Variants in DCLK1 observed in about 807,000 individuals in gnomAD.
The protein encoded by DCLK1 is doublecortin like kinase 1.
In DCLK1, 16 loss-of-function variants were observed where a neutral mutation model predicts 86.2. The observed-to-expected ratio is 0.19, with a 90% confidence interval of 0.13 to 0.28. The LOEUF (loss-of-function observed/expected upper bound fraction) is 0.28. Ranked by LOEUF, DCLK1 falls within the 10% of genes least tolerant of loss-of-function variation. The probability of loss-of-function intolerance (pLI) is 1.00; values close to 1 mark genes in which losing one functional copy is unlikely to be tolerated. For missense variants in DCLK1, 590 were observed against 940.2 expected (o/e 0.63, Z 4.87); for synonymous variants, 369 against 370.5 (o/e 1.00, Z 0.05).
At chr13:35,958,221 A>G in intron 3 of DCLK1, among the ~76,000 whole-genome samples, 2 of 147,256 alleles carry the variant, frequency 1.4e-5, no homozygotes, top group South Asian at 2.1e-4. Context: ...CATCACCACC[A>G]CCACTATAAC....
intron 8 of DCLK1, among the ~76,000 whole-genome samples, chr13:35,835,180 GA>G (rs1869265925): frequency 6.6e-6 from 1 of 152,178 alleles, no homozygotes; most frequent in Non-Finnish European, 1.5e-5. Context: ...GGAGGATTAA[GA>G]ATGGGCAGGG....
rs116204603 is a variant in DCLK1, at chr13:35,821,289, C to T, written c.1554+1440G>A. Among the ~76,000 whole-genome samples, 1,029 of 152,252 alleles carry T rather than the reference C, an allele frequency of 6.8e-3. 11 individuals are homozygous for T. The highest frequency in any genetic ancestry group is 0.023 in the African/African-American group (960 of 41,576). The stretch of plus-strand genomic sequence containing the variant: ...GTACATAGATGGTTCTCCATCATGG[C>T]GGATCTTACTAGCTTTTATTTGTGT... On this transcript the variant is annotated intron_variant, in intron 11 of 16. Transcript: ENST00000360631.
chr13:35,887,353 T>C (rs1415687638), intron 4 of DCLK1, among the ~76,000 whole-genome samples: 1 of 152,182 alleles, frequency 6.6e-6, no homozygotes, highest in Non-Finnish European at 1.5e-5. Context: ...CCAGTGGGTC[T>C]TTAAGTACAA....
intron 4 of DCLK1, among the ~76,000 whole-genome samples, chr13:35,905,795 A>C (rs1644973813): frequency 6.6e-6 from 1 of 151,930 alleles, no homozygotes; most frequent in African/African-American, 2.4e-5. Context: ...AAAATCCAAA[A>C]AAAGTAGCCA....
rs200202368 is a variant in DCLK1 at position 35,984,778 on chromosome 13, C to CT, written c.724-37322dup. Reference sequence around the variant, plus strand: ...CTGATCCAGGTATCACCTCTCTTCACTACCCCCCAGGCTTCTGTACCAGCG... The same window carrying CT: ...CTGATCCAGGTATCACCTCTCTTCACTTACCCCCCAGGCTTCTGTACCAGCG... On this transcript the variant is annotated intron_variant, in intron 3 of 16. Coordinates refer to ENST00000360631, the MANE Select transcript of DCLK1 (RefSeq NM_001330071.2). 7.3e-3 allele frequency among the ~76,000 whole-genome samples: 1,106 copies of CT among 152,282 alleles called. 9 individuals carry two copies. Among genetic ancestry groups the CT allele is most frequent in the African/African-American group, 0.025 (1,057 of 41,554 alleles).
At chr13:35,918,970 C>T (rs138073364) in intron 4 of DCLK1, among the ~76,000 whole-genome samples, 138 of 134,510 alleles carry the variant, frequency 1.0e-3, no homozygotes, top group Middle Eastern at 5.1e-3. Context: ...GTGCAATCTC[C>T]CAGCTCACTG....
intron 4 of DCLK1, among the ~76,000 whole-genome samples, chr13:35,900,827 C>T (rs537131213): frequency 1.3e-5 from 2 of 152,196 alleles, no homozygotes; most frequent in East Asian, 3.9e-4. Context: ...TTGAGAAGGG[C>T]CGGATTATAG....
At chr13:36,045,849 A>T (rs565741431) in intron 3 of DCLK1, among the ~76,000 whole-genome samples, 4 of 151,618 alleles carry the variant, frequency 2.6e-5, no homozygotes, top group Admixed American at 2.6e-4. Context: ...CAAGACTCCA[A>T]GTCAAGAAAA....
At chr13:35,913,305 G>T (rs897470873) in intron 4 of DCLK1, among the ~76,000 whole-genome samples, 1 of 147,938 alleles carries the variant, frequency 6.8e-6, no homozygotes. Context: ...AGATAAGGAA[G>T]ATAATGGTAT....
chr13:35,928,879 A>G (rs1220527658), intron 4 of DCLK1, among the ~76,000 whole-genome samples: 2 of 152,208 alleles, frequency 1.3e-5, no homozygotes, highest in East Asian at 3.9e-4. Context: ...GGAACCCCAT[A>G]GCATATGGTG....
intron 4 of DCLK1, among the ~76,000 whole-genome samples, chr13:35,895,163 G>A (rs367688266): frequency 2.0e-5 from 3 of 151,850 alleles, no homozygotes; most frequent in South Asian, 2.1e-4. Flanking sequence ...GGCTAGTCTC[G>A]AACGATCTCA....
chr13:35,815,715 T>G (rs1028876636), intron 11 of DCLK1, among the ~76,000 whole-genome samples: 5 of 152,186 alleles, frequency 3.3e-5, no homozygotes, highest in African/African-American at 4.8e-5. Flanking sequence ...ATCTTTAATC[T>G]TTAAGAAATG....
chr13:35,944,423 C>T (rs867318598), intron 4 of DCLK1, among the ~76,000 whole-genome samples: 1 of 152,076 alleles, frequency 6.6e-6, no homozygotes, highest in Non-Finnish European at 1.5e-5. Flanking sequence ...AATGAAGCAT[C>T]GATGTGCAAA....
chr13:35,772,289 C>CGCA lies in DCLK1; in HGVS notation c.*2243_*2245dup, dbSNP rs34230126. The CGCA allele has an allele frequency of 0.047, 7,088 of 152,144 alleles. 178 individuals are homozygous for CGCA. The highest frequency in any genetic ancestry group is 0.058 in the African/African-American group (2,392 of 41,482). 9.4% of individuals were successfully genotyped at this position (152,144 alleles called of 1,614,324 possible). On this transcript the variant is annotated 3_prime_UTR_variant, in exon 17 of 17. Transcript: ENST00000360631. Reference sequence around the variant, plus strand: ...ATGGGAAAAGGCCTGAGCCATGCACCGCAGGCTCAGTACACTAGATGCTGT... The same window carrying CGCA: ...ATGGGAAAAGGCCTGAGCCATGCACCGCAGCAGGCTCAGTACACTAGATGCTGT...
chr13:35,925,732 C>A (rs970259036), intron 4 of DCLK1, among the ~76,000 whole-genome samples: 2 of 151,930 alleles, frequency 1.3e-5, no homozygotes, highest in African/African-American at 4.8e-5. Flanking sequence ...TATTTTTATT[C>A]TTATTTTGGA....
At chr13:35,804,397 G>A (rs950565807) in intron 15 of DCLK1, among the ~76,000 whole-genome samples, 1 of 151,456 alleles carries the variant, frequency 6.6e-6, no homozygotes, top group Non-Finnish European at 1.5e-5. Context: ...GGCTCCCAAA[G>A]TACTGGGATT....
intron 3 of DCLK1, among the ~76,000 whole-genome samples, chr13:36,109,960 T>C (rs894163920): frequency 6.6e-6 from 1 of 152,210 alleles, no homozygotes; most frequent in African/African-American, 2.4e-5. Flanking sequence ...TGGCAAATTT[T>C]AGCTAAAGTC....
chr13:36,027,206 T>G (rs1290131932), intron 3 of DCLK1, among the ~76,000 whole-genome samples: 3 of 152,186 alleles, frequency 2.0e-5, no homozygotes, highest in African/African-American at 4.8e-5. Flanking sequence ...TGGATGGTTT[T>G]GGGATGAAAC....
In DCLK1 at chr13:35,872,068, G is replaced by T. The variant is rs867337475; in HGVS notation, c.824-728C>A. Reference sequence around the variant, plus strand: ...AATGCTGAACATCTTAAATGGCAGAGAGTTTTCTATTTCTCTCTTAGTGAG... The same window carrying T: ...AATGCTGAACATCTTAAATGGCAGATAGTTTTCTATTTCTCTCTTAGTGAG... On this transcript the variant is annotated intron_variant, in intron 4 of 16. Transcript: ENST00000360631. Among the ~76,000 whole-genome samples the T allele has an allele frequency of 5.3e-5, 8 of 152,286 alleles. No homozygotes were observed. The South Asian group carries it at 1.7e-3, about 32-fold the overall frequency.
Sources: gnomAD v4.1 joint callset for allele counts (sites outside exome capture counted in the v4.1 genomes callset) on GRCh38, gnomAD v4.1.1 for gene constraint, MANE v1.5 for transcripts, NCBI Gene and HGNC (gene_info 2026-07-23, HGNC 2026-07-21) for gene names.